ENDOD1: variants seen among roughly 807,000 people sequenced by gnomAD.
ENDOD1 encodes endonuclease domain containing 1.
A neutral mutation model predicts 6.5 loss-of-function variants in ENDOD1; 9 were observed. That is an observed-to-expected ratio of 1.39 (90% CI 0.84 to 2.43). The LOEUF (loss-of-function observed/expected upper bound fraction) is 2.43. Ranked by LOEUF, ENDOD1 falls within the 30% of genes most tolerant of loss-of-function variation. ENDOD1 has a pLI of 0.00. For synonymous variants in ENDOD1, 255 were observed against 255.2 expected, an observed-to-expected ratio of 1.00 and a Z score of 0.01; for missense variants, 648 against 635.5, an observed-to-expected ratio of 1.02 and a Z score of -0.21.
chr11:95,096,960 C>G (rs1046027608), intron 1 of ENDOD1, among the ~76,000 whole-genome samples: 2 of 152,074 alleles, frequency 1.3e-5, no homozygotes, highest in Non-Finnish European at 2.9e-5. Flanking sequence ...CCTAAGAGTT[C>G]GAGACCAGCC....
intron 1 of ENDOD1, among the ~76,000 whole-genome samples, chr11:95,096,227 CTTTTTTTT>C (rs10660230): frequency 3.4e-4 from 17 of 49,964 alleles, no homozygotes; most frequent in South Asian, 1.1e-3. Context: ...GTCAAGAAAG[CTTTTTTTT>C]TTTTTTTTTT....
chr11:95,100,870 T>TTG (rs1358551761), intron 1 of ENDOD1, among the ~76,000 whole-genome samples: 1 of 145,518 alleles, frequency 6.9e-6, no homozygotes, highest in Non-Finnish European at 1.5e-5. Flanking sequence ...TGGGTGTTTT[T>TTG]TTTTTTTTTT....
chr11:95,099,394 G>T (rs543236356), intron 1 of ENDOD1, among the ~76,000 whole-genome samples: 1 of 152,314 alleles, frequency 6.6e-6, no homozygotes, highest in East Asian at 1.9e-4. Flanking sequence ...CCTGAGGAGA[G>T]CCCATCTCCT....
chr11:95,123,910 G>T (rs1023757216), intron 1 of ENDOD1, among the ~76,000 whole-genome samples: 1 of 152,004 alleles, frequency 6.6e-6, no homozygotes, highest in Non-Finnish European at 1.5e-5. Flanking sequence ...GTCTGGCAGG[G>T]GCAACTTTGA....
At chr11:95,107,471 G>A (rs1859100509) in intron 1 of ENDOD1, among the ~76,000 whole-genome samples, 1 of 152,094 alleles carries the variant, frequency 6.6e-6, no homozygotes, top group Admixed American at 6.5e-5. Context: ...TAGAAATGGA[G>A]CCTTCTCAAT....
chr11:95,120,716 A>G (rs1167923074), intron 1 of ENDOD1, among the ~76,000 whole-genome samples: 1 of 151,718 alleles, frequency 6.6e-6, no homozygotes, highest in Non-Finnish European at 1.5e-5. Context: ...CTGGTTCTGG[A>G]CCCAGTTCAG....
At chr11:95,126,198 A>G (rs144430586) in intron 1 of ENDOD1, among the ~76,000 whole-genome samples, 2,067 of 152,282 alleles carry the variant, frequency 0.014, 36 homozygotes, top group African/African-American at 0.046. Flanking sequence ...ATTGCCCTCA[A>G]TACCCCTATG....
chr11:95,127,764 A>AT (rs34243393), intron 1 of ENDOD1, among the ~76,000 whole-genome samples: 34 of 149,624 alleles, frequency 2.3e-4, no homozygotes, highest in South Asian at 4.2e-4. Context: ...ACTACAACAG[A>AT]TTTTTTTTTT....
chr11:95,090,297 C>T (rs1257475449), intron 1 of ENDOD1, 70 bp downstream of exon 1: 26 of 1,346,150 alleles, frequency 1.9e-5, no homozygotes, highest in Admixed American at 3.7e-5. Flanking sequence ...CCCCCAGTTG[C>T]AGCTACCGCG....
At chr11:95,093,734 C>T (rs893457284) in intron 1 of ENDOD1, among the ~76,000 whole-genome samples, 4 of 152,118 alleles carry the variant, frequency 2.6e-5, no homozygotes, top group African/African-American at 4.8e-5. Context: ...CTCAGTGGGG[C>T]GCTTCCTGTT....
At chr11:95,097,021 G>C (rs1555110393) in intron 1 of ENDOD1, among the ~76,000 whole-genome samples, 1 of 152,000 alleles carries the variant, frequency 6.6e-6, no homozygotes, top group Admixed American at 6.6e-5. Context: ...AGGAGTGCTG[G>C]CATGCACCTG....
In ENDOD1 at chr11:95,129,484, G is replaced by A. The variant is rs750599518; in HGVS notation, c.1408G>A (p.Ala470Thr). ...CACTGTCTCACTGCTCTTTGACACTGCTTTTGGTACCCTGGGTGGCCTATT... is the reference window on the plus strand; with the variant it reads ...CACTGTCTCACTGCTCTTTGACACTACTTTTGGTACCCTGGGTGGCCTATT... ...GGTVSLLFDT[A>T]FGTLGGLFQV... The change falls in exon 2 of 2, where the codon GCT becomes ACT. Residue 470 changes from alanine (A) to threonine (T), a missense_variant. By Grantham distance (58) the Ala-to-Thr change is moderately conservative (BLOSUM62 0). Transcript: ENST00000278505. 3 of 1,614,192 alleles carry A rather than the reference G, an allele frequency of 1.9e-6. No homozygotes were observed. Among genetic ancestry groups the A allele is most frequent in the South Asian group, 2.2e-5 (2 of 91,086 alleles).
At chr11:95,110,319 C>T (rs1462521189) in intron 1 of ENDOD1, among the ~76,000 whole-genome samples, 2 of 152,198 alleles carry the variant, frequency 1.3e-5, no homozygotes, top group African/African-American at 2.4e-5. Context: ...ATATCATCCC[C>T]TTGCTCTGCC....
chr11:95,126,780 A>G (rs759873053), intron 1 of ENDOD1, among the ~76,000 whole-genome samples: 1 of 152,162 alleles, frequency 6.6e-6, no homozygotes, highest in Non-Finnish European at 1.5e-5. Context: ...TCCCAGGCTC[A>G]AGCGATTCTG....
At position 95,129,187 on chromosome 11, in the gene ENDOD1, G is replaced by A. The variant is rs1250689198; in HGVS notation, c.1111G>A (p.Gly371Ser). The change falls in exon 2 of 2, where the codon GGC becomes AGC. Residue 371 changes from glycine to serine, a missense_variant. Physicochemically the swap from Gly to Ser is moderately conservative, Grantham distance 56 (BLOSUM62 0). Transcript: ENST00000278505. ...LWCVTKQVIN[G>S]IESCLYRLGS... is the part of the protein sequence containing the mutation. ...GTGTGTTACCAAGCAGGTGATTAAT[G>A]GCATAGAAAGTTGCCTTTACCGCCT... 1.2e-6 allele frequency: 2 copies of A among 1,614,116 alleles called. No homozygotes were observed. The highest frequency in any genetic ancestry group is 2.2e-5 in the East Asian group (1 of 44,878).
At chr11:95,094,148 TATTA>T (rs1858958148) in intron 1 of ENDOD1, among the ~76,000 whole-genome samples, 2 of 148,346 alleles carry the variant, frequency 1.3e-5, no homozygotes, top group South Asian at 2.1e-4. Flanking sequence ...ATATTATACA[TATTA>T]ATTATATAAT....
In ENDOD1 at chr11:95,128,859, C is replaced by T. The variant is rs1191005794; in HGVS notation, c.783C>T (p.Asn261=). 1 of 1,614,038 alleles carries T rather than the reference C, an allele frequency of 6.2e-7. No individual in the cohort carries two copies. Among genetic ancestry groups the T allele is most frequent in the African/African-American group, 1.3e-5 (1 of 74,918 alleles). The change falls in exon 2 of 2, where the codon AAC becomes AAT. Residue 261 remains asparagine, a synonymous_variant. Coordinates refer to ENST00000278505, the MANE Select transcript of ENDOD1 (RefSeq NM_015036.3). Reference sequence around the variant, plus strand: ...ATCTTCAGAAACTGCTTCCATTTAACCCTCAGCTGTTTCAGAACAACTGTG... The same window carrying T: ...ATCTTCAGAAACTGCTTCCATTTAATCCTCAGCTGTTTCAGAACAACTGTG... ...VKDLQKLLPF[N]PQLFQNNCGE...
intron 1 of ENDOD1, among the ~76,000 whole-genome samples, chr11:95,091,411 T>G (rs753741973): frequency 3.3e-5 from 5 of 152,160 alleles, no homozygotes; most frequent in Non-Finnish European, 5.9e-5. Flanking sequence ...CTCACATCCT[T>G]CCACCTACCT....
rs1859379670 is a variant in ENDOD1 at position 95,132,436 on chromosome 11, C to A, written c.*2857C>A. On this transcript the variant is annotated 3_prime_UTR_variant, in exon 2 of 2. Coordinates refer to ENST00000278505, the MANE Select transcript of ENDOD1 (RefSeq NM_015036.3). ...GGAGTTCAAAACCTAGTGGAGAGAA[C>A]ACATGGTACAATCGTAACACATGAA... 6.6e-6 allele frequency: 1 copy of A among 152,312 alleles called. No homozygotes were observed. Among genetic ancestry groups the A allele is most frequent in the African/African-American group, 2.4e-5 (1 of 41,418 alleles). The allele number at this position is 152,312 out of a possible 1,614,324, so 9.4% of individuals were successfully genotyped here. A position where few individuals can be genotyped will look rare whatever the true frequency, so the allele number is the denominator to read the frequency against.
Sources: gnomAD v4.1 joint callset for allele counts (sites outside exome capture counted in the v4.1 genomes callset) on GRCh38, gnomAD v4.1.1 for gene constraint, MANE v1.5 for transcripts, NCBI Gene and HGNC (gene_info 2026-07-23, HGNC 2026-07-21) for gene names.